Variants in NAV3 observed in about 807,000 individuals in gnomAD.
NAV3 encodes the protein pore membrane and/or filament interacting like protein 1.
NAV3 carries 87 observed loss-of-function variants against 244.7 expected under a neutral mutation model. That is an observed-to-expected ratio of 0.36 (90% confidence interval 0.30 to 0.42). The LOEUF is 0.42. NAV3 is among the 20% of genes least tolerant of loss of function. The pLI is 1.00. For synonymous variants in NAV3, 1,126 were observed against 1,042.2 expected, an observed-to-expected ratio of 1.08 and a Z score of -1.55; for missense variants, 2,663 against 2,893.3, an observed-to-expected ratio of 0.92 and a Z score of 1.83.
intron 1 of NAV3, among the ~76,000 whole-genome samples, chr12:77,888,354 A>G (rs1883539241): frequency 6.6e-6 from 1 of 152,076 alleles, no homozygotes; most frequent in Non-Finnish European, 1.5e-5. Context: ...GCATGTGACT[A>G]TAGTCCCAGC....
At chr12:77,936,852 A>G (rs1889373129) in intron 1 of NAV3, among the ~76,000 whole-genome samples, 1 of 152,146 alleles carries the variant, frequency 6.6e-6, no homozygotes, top group Non-Finnish European at 1.5e-5. Flanking sequence ...TTTTTATACC[A>G]TGTGTCCTTT....
chr12:77,735,843 A>G (rs1253907951), intron 2 of NAV3, among the ~76,000 whole-genome samples: 1 of 152,188 alleles, frequency 6.6e-6, no homozygotes, highest in Non-Finnish European at 1.5e-5. Flanking sequence ...ACACACCATG[A>G]GCTTAAAAAT....
At chr12:78,073,386 A>G (rs1202420132) in intron 12 of NAV3, among the ~76,000 whole-genome samples, 1 of 150,580 alleles carries the variant, frequency 6.6e-6, no homozygotes, top group Non-Finnish European at 1.5e-5. Flanking sequence ...ATTCTTATAC[A>G]CCAGCAACAG....
rs144460264 is a variant in NAV3 at position 77,683,603 on chromosome 12, G to A, written c.72+111337G>A. On this transcript the variant is annotated intron_variant, in intron 2 of 8. Coordinates refer to the NAV3 transcript ENST00000550042. ...AGAGATTGCACTGAATCTGTAGATC[G>A]CTTTGGGTAATATGGGCATTTTAAC... is the stretch of plus-strand genomic sequence containing the variant. 4.0e-3 allele frequency among the ~76,000 whole-genome samples: 603 copies of A among 152,144 alleles called. 6 individuals are homozygous for A. Among genetic ancestry groups the A allele is most frequent in the African/African-American group, 0.014 (576 of 41,536 alleles).
chr12:77,573,918 G>C (rs2136649848), intron 2 of NAV3, among the ~76,000 whole-genome samples: 1 of 152,258 alleles, frequency 6.6e-6, no homozygotes, highest in Non-Finnish European at 1.5e-5. Flanking sequence ...AATTCTTAGA[G>C]TCATCCTCTG....
At chr12:77,698,076 G>T (rs1875393790) in intron 2 of NAV3, among the ~76,000 whole-genome samples, 1 of 152,040 alleles carries the variant, frequency 6.6e-6, no homozygotes, top group Admixed American at 6.6e-5. Flanking sequence ...TCATCAGATT[G>T]AGAATGATCC....
chr12:77,932,308 A>G (rs993636884), intron 1 of NAV3, among the ~76,000 whole-genome samples: 3 of 152,066 alleles, frequency 2.0e-5, no homozygotes, highest in African/African-American at 7.2e-5. Context: ...CGGCAACAAT[A>G]TAACTCTTGA....
At chr12:77,643,931 G>C (rs1872521071) in intron 2 of NAV3, among the ~76,000 whole-genome samples, 1 of 152,030 alleles carries the variant, frequency 6.6e-6, no homozygotes. Flanking sequence ...ATTTATTCAA[G>C]TCACATGAAC....
At chr12:77,586,568 T>A (rs933507582) in intron 2 of NAV3, among the ~76,000 whole-genome samples, 4 of 152,212 alleles carry the variant, frequency 2.6e-5, no homozygotes, top group African/African-American at 9.6e-5. Context: ...TTAGAGAGCA[T>A]CTACTAGAAG....
At chr12:77,657,498 A>G (rs1873178705) in intron 2 of NAV3, among the ~76,000 whole-genome samples, 1 of 152,206 alleles carries the variant, frequency 6.6e-6, no homozygotes, top group African/African-American at 2.4e-5. Context: ...CCAGGACCAG[A>G]TGGATTCACA....
At chr12:77,784,671 C>A (rs1870823834) in intron 2 of NAV3, among the ~76,000 whole-genome samples, 2 of 152,074 alleles carry the variant, frequency 1.3e-5, no homozygotes, top group African/African-American at 4.8e-5. Context: ...TCAGATTATA[C>A]CCTCATTAAA....
intron 2 of NAV3, among the ~76,000 whole-genome samples, chr12:77,777,265 A>G (rs958477344): frequency 9.9e-5 from 15 of 152,226 alleles, no homozygotes; most frequent in Admixed American, 8.5e-4. Flanking sequence ...ATAACAATAT[A>G]ATGAAATATA....
chr12:77,647,448 C>A (rs1872650428), intron 2 of NAV3, among the ~76,000 whole-genome samples: 1 of 151,760 alleles, frequency 6.6e-6, no homozygotes, highest in South Asian at 2.1e-4. Context: ...AGATTTGTAG[C>A]ATGCTTTTTT....
At chr12:77,944,156 C>T (rs1677894) in intron 3 of NAV3, among the ~76,000 whole-genome samples, 133,326 of 152,214 alleles carry the variant, frequency 0.88, 58,598 homozygotes, top group East Asian at 0.98. Context: ...AGAAGAGCAC[C>T]GTGGATTAGG....
intron 2 of NAV3, among the ~76,000 whole-genome samples, chr12:77,679,153 G>A (rs1024557303): frequency 6.6e-6 from 1 of 151,842 alleles, no homozygotes; most frequent in Non-Finnish European, 1.5e-5. Flanking sequence ...TTTTAACCTC[G>A]ATTCAGGACT....
intron 22 of NAV3, among the ~76,000 whole-genome samples, chr12:78,157,910 C>T (rs540809765): frequency 6.6e-6 from 1 of 152,088 alleles, no homozygotes; most frequent in Admixed American, 6.6e-5. Context: ...AATTGTTTTT[C>T]TCCATATTGC....
At chr12:77,621,381 G>A (rs898213893) in intron 2 of NAV3, among the ~76,000 whole-genome samples, 3 of 151,710 alleles carry the variant, frequency 2.0e-5, no homozygotes, top group Admixed American at 2.0e-4. Context: ...TGACCTCTGA[G>A]TAAAATCTGA....
chr12:77,823,427 G>A (rs1039289301), intron 2 of NAV3, among the ~76,000 whole-genome samples: 1 of 152,154 alleles, frequency 6.6e-6, no homozygotes, highest in Non-Finnish European at 1.5e-5. Context: ...GCCAGAGAAA[G>A]GACCAGCAGA....
chr12:77,875,562 AT>A (rs1385177539), intron 1 of NAV3, among the ~76,000 whole-genome samples: 34 of 152,102 alleles, frequency 2.2e-4, no homozygotes, highest in Admixed American at 6.6e-4. Flanking sequence ...AACAATAAAT[AT>A]TTGTTAAATT....
Sources: allele counts gnomAD v4.1 joint callset (sites outside exome capture counted in the v4.1 genomes callset), GRCh38; gene constraint gnomAD v4.1.1; transcripts MANE v1.5; gene names NCBI Gene and HGNC (gene_info 2026-07-23, HGNC 2026-07-21).